LRRC40: variants seen among roughly 807,000 people sequenced by gnomAD.
The protein encoded by LRRC40 is leucine rich repeat containing 40, also known as leucine-rich repeat-containing protein 40.
LRRC40 carries 76 observed loss-of-function variants against 72.8 expected under a neutral mutation model. The ratio of observed to expected loss-of-function variants is 1.04; its 90% CI spans 0.87 to 1.26. The LOEUF (loss-of-function observed/expected upper bound fraction) is 1.26. Ranked by LOEUF, LRRC40 falls within the 50% of genes most tolerant of loss-of-function variation. The pLI is 0.00. For synonymous variants in LRRC40, 243 were observed against 254.2 expected, an observed-to-expected ratio of 0.96 and a Z score of 0.42; for missense variants, 684 against 698.9, an observed-to-expected ratio of 0.98 and a Z score of 0.24.
chr1:70,186,393 G>C (rs1386572479), intron 3 of LRRC40, among the ~76,000 whole-genome samples: 1 of 152,142 alleles, frequency 6.6e-6, no homozygotes, highest in Non-Finnish European at 1.5e-5. Context: ...CTGTGATGGA[G>C]TTCTAAATAA....
chr1:70,204,725 T>C (rs1668866257), intron 1 of LRRC40, among the ~76,000 whole-genome samples: 2 of 142,736 alleles, frequency 1.4e-5, no homozygotes, highest in Admixed American at 1.4e-4. Flanking sequence ...CCCCTCCCTC[T>C]CTCTCTTACA....
intron 9 of LRRC40, 93 bp from the exon 10 acceptor site, chr1:70,159,531 C>G: frequency 1.9e-6 from 1 of 513,644 alleles, no homozygotes; most frequent in South Asian, 4.2e-5. Context: ...TACGTGATTT[C>G]TAGATATTAT....
At chr1:70,156,600 C>A (rs1430147571) in intron 10 of LRRC40, among the ~76,000 whole-genome samples, 1 of 152,068 alleles carries the variant, frequency 6.6e-6, no homozygotes, top group Non-Finnish European at 1.5e-5. Context: ...TTTATCCAGA[C>A]CCCCCGGGGA....
At chr1:70,192,171 T>C (rs911459703) in intron 1 of LRRC40, among the ~76,000 whole-genome samples, 1 of 152,154 alleles carries the variant, frequency 6.6e-6, no homozygotes, top group African/African-American at 2.4e-5. Flanking sequence ...ATTCTCATTG[T>C]AGAGATCTTT....
At chr1:70,192,644 A>C (rs1188864354) in intron 1 of LRRC40, among the ~76,000 whole-genome samples, 1 of 152,172 alleles carries the variant, frequency 6.6e-6, no homozygotes, top group Non-Finnish European at 1.5e-5. Context: ...ATGAAAAAGA[A>C]CAAGATCATG....
chr1:70,156,178 TAA>T (rs914143059), intron 10 of LRRC40, among the ~76,000 whole-genome samples: 4 of 152,150 alleles, frequency 2.6e-5, no homozygotes, highest in African/African-American at 7.2e-5. Context: ...TAAAAATCTA[TAA>T]GAGGAGTTTT....
chr1:70,201,606 G>A (rs1006705062), intron 1 of LRRC40, among the ~76,000 whole-genome samples: 7 of 152,180 alleles, frequency 4.6e-5, no homozygotes, highest in Non-Finnish European at 7.3e-5. Context: ...GAGATATACA[G>A]ATGGCAAATG....
intron 1 of LRRC40, among the ~76,000 whole-genome samples, chr1:70,200,805 G>A (rs1668720770): frequency 6.6e-6 from 1 of 151,508 alleles, no homozygotes; most frequent in South Asian, 2.1e-4. Context: ...TGTGTATAGA[G>A]AGAGAGAAAA....
intron 1 of LRRC40, among the ~76,000 whole-genome samples, chr1:70,195,102 T>C (rs747894940): frequency 6.6e-6 from 1 of 151,946 alleles, no homozygotes; most frequent in Non-Finnish European, 1.5e-5. Flanking sequence ...ATGATGAAAC[T>C]AAAAAATTCT....
chr1:70,160,155 TA>T (rs756219682), intron 9 of LRRC40, among the ~76,000 whole-genome samples: 2 of 152,008 alleles, frequency 1.3e-5, no homozygotes, highest in African/African-American at 4.8e-5. Context: ...GATAGAGAAG[TA>T]AAATAAGACT....
At chr1:70,184,601 T>C (rs1668318805) in intron 4 of LRRC40, among the ~76,000 whole-genome samples, 184 bp downstream of exon 4, 1 of 152,224 alleles carries the variant, frequency 6.6e-6, no homozygotes, top group Non-Finnish European at 1.5e-5. Context: ...GATTTCATAA[T>C]ACAGGAAAAC....
At chr1:70,183,852 C>T (rs1668302809) in intron 4 of LRRC40, among the ~76,000 whole-genome samples, 1 of 152,178 alleles carries the variant, frequency 6.6e-6, no homozygotes, top group Admixed American at 6.5e-5. Flanking sequence ...CCACACCTAG[C>T]TCCAAATTTC....
rs372089110 is a variant in LRRC40 at position 70,155,693 on chromosome 1, T to C, written c.1324A>G (p.Lys442Glu). The change falls in exon 11 of 15, where the codon AAA (lysine) becomes GAA (glutamate). Residue 442 changes from lysine to glutamate, a missense_variant. Coordinates refer to ENST00000370952, the MANE Select transcript of LRRC40 (RefSeq NM_017768.5). ...FSKNQLCEIP[K>E]RMVELKEMVS... The stretch of plus-strand genomic sequence containing the variant: ...ACATGGCATCATAGTTCTTACCTTT[T>C]TGGAATTTCACATAGTTGATTCTTA... 1.4e-5 allele frequency: 21 copies of C among 1,501,442 alleles called. No homozygotes were observed. The highest frequency in any genetic ancestry group is 3.5e-4 in the Middle Eastern group (2 of 5,678). The allele number at this position is 1,501,442 out of a possible 1,614,324, so 93.0% of individuals were successfully genotyped here.
rs867153120 is a variant in LRRC40, at chr1:70,168,543, C to T, written c.1111+4922G>A. On this transcript the variant is annotated intron_variant, in intron 9 of 14. Transcript: ENST00000370952. The stretch of plus-strand genomic sequence containing the variant: ...AGTTCCTAATCTCTTCCCAAGGGAA[C>T]TGACTTCACTCACAACAAAGCATGA... Among the ~76,000 whole-genome samples, 7 of 152,198 alleles carry T rather than the reference C, an allele frequency of 4.6e-5. No individual in the cohort carries two copies. The East Asian group carries it at 1.3e-3, about 29-fold the overall frequency.
At chr1:70,185,007 CAT>C in intron 3 of LRRC40, 93 bp from the exon 4 acceptor site, 2 of 1,012,392 alleles carry the variant, frequency 2.0e-6, no homozygotes, top group South Asian at 1.8e-5. Context: ...ACACTGGACT[CAT>C]AAAAATCAAA....
At chr1:70,179,150 T>C (rs944855332) in intron 5 of LRRC40, among the ~76,000 whole-genome samples, 157 bp from the exon 6 acceptor site, 6 of 152,212 alleles carry the variant, frequency 3.9e-5, no homozygotes, top group Non-Finnish European at 7.4e-5. Flanking sequence ...TAAATAAATG[T>C]AAATTTTTCT....
chr1:70,177,263 G>A (rs559921778), intron 6 of LRRC40, among the ~76,000 whole-genome samples: 2 of 151,568 alleles, frequency 1.3e-5, no homozygotes, highest in South Asian at 4.2e-4. Flanking sequence ...ATGACAGAGC[G>A]AGACTCTGCC....
intron 14 of LRRC40, among the ~76,000 whole-genome samples, chr1:70,146,205 A>G (rs1363838062): frequency 1.3e-5 from 2 of 152,046 alleles, no homozygotes; most frequent in Admixed American, 1.3e-4. Context: ...TTGTATTTTC[A>G]GTAGTGAGGG....
At position 70,152,424 on chromosome 1, in the gene LRRC40, A is replaced by G; in HGVS notation, c.1439+9T>C. On this transcript the variant is annotated intron_variant, in intron 12 of 14. Transcript: ENST00000370952. ...TTTTAAAAAGTCAAGCAATAGTATCAATAAATACCTGAGATCTAAAAAAGT... is the reference window on the plus strand; with the variant it reads ...TTTTAAAAAGTCAAGCAATAGTATCGATAAATACCTGAGATCTAAAAAAGT... 1 of 1,343,246 alleles carries G rather than the reference A, an allele frequency of 7.4e-7. No homozygotes were observed. The highest frequency in any genetic ancestry group is 1.1e-6 in the Non-Finnish European group (1 of 939,590). 83.2% of individuals were successfully genotyped at this position (1,343,246 alleles called of 1,614,324 possible). A position where few individuals can be genotyped will look rare whatever the true frequency, so the allele number is the denominator to read the frequency against.
Sources: allele counts gnomAD v4.1 joint callset (sites outside exome capture counted in the v4.1 genomes callset), GRCh38; gene constraint gnomAD v4.1.1; transcripts MANE v1.5; gene names NCBI Gene and HGNC (gene_info 2026-07-23, HGNC 2026-07-21).